TMEM131: variants seen among roughly 807,000 people sequenced by gnomAD.
TMEM131 encodes the protein transmembrane protein 131, also known as 2610524E03Rik.
TMEM131 carries 66 observed loss-of-function variants against 211.6 expected under a neutral mutation model. The observed-to-expected ratio is 0.31, with a 90% CI of 0.26 to 0.38. TMEM131 has a LOEUF of 0.38. Among genes scored for constraint, TMEM131 ranks in the 10% least tolerant of loss-of-function variants. TMEM131 has a pLI of 1.00. For synonymous variants in TMEM131, 844 were observed against 841.3 expected (o/e 1.00, Z -0.06); for missense variants, 2,036 against 2,299.3 (o/e 0.89, Z 2.34).
intron 31 of TMEM131, among the ~76,000 whole-genome samples, chr2:97,787,229 G>C (rs1464929658): frequency 2.0e-5 from 3 of 152,202 alleles, no homozygotes; most frequent in Non-Finnish European, 4.4e-5. Flanking sequence ...GCTGTGTAAT[G>C]AATTTGTCTG....
rs1056891948 is a variant in TMEM131 at position 97,812,753 on chromosome 2, G to C, written c.1618-4C>G. The C allele has an allele frequency of 5.4e-6, 8 of 1,487,928 alleles. No individual in the cohort carries two copies. Among genetic ancestry groups the C allele is most frequent in the Non-Finnish European group, 6.4e-6 (7 of 1,097,436 alleles). The allele number at this position is 1,487,928 out of a possible 1,614,324, so 92.2% of individuals were successfully genotyped here. A position where few individuals can be genotyped will look rare whatever the true frequency, so the allele number is the denominator to read the frequency against. ...TTTTGGGGGGCAATACAAAGTACTG[G>C]AAAGATATAAAAGAACCAGATTAAA... On this transcript the variant is annotated splice_polypyrimidine_tract_variant and splice_region_variant and intron_variant, in intron 15 of 40. Coordinates refer to ENST00000186436, the MANE Select transcript of TMEM131 (RefSeq NM_015348.2).
intron 2 of TMEM131, among the ~76,000 whole-genome samples, chr2:97,912,668 T>C (rs769891687): frequency 2.0e-5 from 3 of 152,180 alleles, no homozygotes; most frequent in African/African-American, 4.8e-5. Flanking sequence ...TGTATATGCA[T>C]GTGAGTTTGG....
chr2:97,856,790 TTAAG>T lies in TMEM131; in HGVS notation c.483+2510_483+2513del, dbSNP rs1229633291. 3.3e-5 allele frequency among the ~76,000 whole-genome samples: 5 copies of T among 152,240 alleles called. No homozygotes were observed. The Middle Eastern group carries it at 0.014, about 414-fold the overall frequency. On this transcript the variant is annotated intron_variant, in intron 5 of 40. Coordinates refer to ENST00000186436, the MANE Select transcript of TMEM131 (RefSeq NM_015348.2). ...TATCTCTCCCCTCTACGTCTCGAGC[TTAAG>T]TCAGTGTCTTATTGTAGGGAAAAAA...
intron 3 of TMEM131, among the ~76,000 whole-genome samples, chr2:97,906,886 T>C (rs1676093684): frequency 6.6e-6 from 1 of 152,126 alleles, no homozygotes; most frequent in Non-Finnish European, 1.5e-5. Flanking sequence ...GCCACTAACT[T>C]TTAGATAGAA....
chr2:97,796,597 G>C (rs992600948), intron 27 of TMEM131, among the ~76,000 whole-genome samples, 193 bp from the exon 28 acceptor site: 5 of 152,148 alleles, frequency 3.3e-5, no homozygotes, highest in African/African-American at 1.2e-4. Flanking sequence ...GATGGCAAAA[G>C]TTGACTATAC....
At chr2:97,967,827 T>A (rs757505303) in intron 1 of TMEM131, among the ~76,000 whole-genome samples, 1 of 151,988 alleles carries the variant, frequency 6.6e-6, no homozygotes, top group Non-Finnish European at 1.5e-5. Flanking sequence ...GCTCTTCTTA[T>A]CATACCATGT....
intron 3 of TMEM131, among the ~76,000 whole-genome samples, chr2:97,892,086 T>C (rs760659709): frequency 1.3e-5 from 2 of 152,196 alleles, no homozygotes; most frequent in Non-Finnish European, 2.9e-5. Flanking sequence ...CTATATGATA[T>C]ATATTCTCCC....
rs2104761755 is a variant in TMEM131, at chr2:97,761,798, G to A, written c.4889+237C>T. The A allele has an allele frequency of 9.0e-6, 4 of 446,310 alleles. No individual in the cohort carries two copies. In the South Asian group the frequency reaches 1.6e-4, roughly 18 times the overall value. 27.6% of individuals were successfully genotyped at this position (446,310 alleles called of 1,614,324 possible). A position where few individuals can be genotyped will look rare whatever the true frequency, so the allele number is the denominator to read the frequency against. The stretch of plus-strand genomic sequence containing the variant: ...TAGTGAGTTAAATGGTGCATTTCTC[G>A]GTCCACAGGTGGTAAGAATGAATGG... On this transcript the variant is annotated intron_variant, in intron 36 of 40. Transcript: ENST00000186436.
At chr2:97,789,945 T>C (rs996772441) in intron 31 of TMEM131, among the ~76,000 whole-genome samples, 21 of 152,240 alleles carry the variant, frequency 1.4e-4, no homozygotes, top group Non-Finnish European at 2.9e-4. Flanking sequence ...TTGCAAGCCA[T>C]CCAACCGCAG....
intron 1 of TMEM131, among the ~76,000 whole-genome samples, chr2:97,973,956 C>T (rs947851746): frequency 1.3e-5 from 2 of 152,146 alleles, no homozygotes; most frequent in Non-Finnish European, 2.9e-5. Flanking sequence ...CACCCAACAA[C>T]GTAAAATTTG....
intron 2 of TMEM131, among the ~76,000 whole-genome samples, chr2:97,914,452 T>C (rs577019920): frequency 6.6e-6 from 1 of 152,258 alleles, no homozygotes; most frequent in South Asian, 2.1e-4. Flanking sequence ...GCTGTGTAGG[T>C]TCATGAACAC....
chr2:97,955,027 A>T (rs1479476245), intron 1 of TMEM131, among the ~76,000 whole-genome samples: 9 of 152,028 alleles, frequency 5.9e-5, no homozygotes, highest in Non-Finnish European at 1.2e-4. Flanking sequence ...CCATTGCAAA[A>T]TTTTTTTAAA....
In TMEM131 at chr2:97,766,244, A is replaced by G. The variant is rs765860984; in HGVS notation, c.4593T>C (p.Asp1531=). ...ATTTTGCTAGGGCAGGTGGTCTGTT[A>G]TCCACTAACTTACTTGTACCTGCAC... ...QKTKGTSKLV[D]NRPPALAKFL... The change falls in exon 35 of 41, where the codon GAT becomes GAC. Residue 1531 remains aspartate (D), a synonymous_variant. Transcript: ENST00000186436. The G allele has an allele frequency of 1.2e-6, 2 of 1,614,070 alleles. No homozygotes were observed. The highest frequency in any genetic ancestry group is 1.7e-6 in the Non-Finnish European group (2 of 1,179,890).
intron 11 of TMEM131, among the ~76,000 whole-genome samples, chr2:97,821,775 C>T (rs186487544): frequency 8.5e-5 from 13 of 152,286 alleles, no homozygotes; most frequent in Admixed American, 1.3e-4. Context: ...CAGTTAAAAG[C>T]GACTGGCACA....
intron 2 of TMEM131, among the ~76,000 whole-genome samples, chr2:97,911,002 C>T (rs960931384): frequency 2.0e-5 from 3 of 152,148 alleles, no homozygotes; most frequent in Non-Finnish European, 2.9e-5. Flanking sequence ...AGCTTTGTTA[C>T]AGCTCAGTAT....
At position 97,774,809 on chromosome 2, in the gene TMEM131, C is replaced by T. The variant is rs80213261; in HGVS notation, c.4320+1034G>A. Among the ~76,000 whole-genome samples the T allele has an allele frequency of 3.4e-3, 521 of 152,262 alleles. 8 individuals carry two copies. In the East Asian group the frequency reaches 0.042, roughly 12 times the overall value. On this transcript the variant is annotated intron_variant, in intron 32 of 40. Transcript: ENST00000186436. ...AAGTTTAGCACAGGGCTTTCTGTTTCTCTGAAGTAATTTGTTAAAGTGCTA... is the reference window on the plus strand; with the variant it reads ...AAGTTTAGCACAGGGCTTTCTGTTTTTCTGAAGTAATTTGTTAAAGTGCTA...
At position 97,796,854 on chromosome 2, in the gene TMEM131, A is replaced by C; in HGVS notation, c.3003T>G (p.Asp1001Glu). Residue 1001 changes from aspartate to glutamate, a missense_variant, in exon 27 of 41, where the codon GAT (aspartate) becomes GAG (glutamate). By Grantham distance (45) the Asp-to-Glu change is conservative (BLOSUM62 2). This residue lies in a region of TMEM131 where 1,623 missense variants were observed against 1,805.9 expected (regional missense o/e 0.90). Coordinates refer to ENST00000186436, the MANE Select transcript of TMEM131 (RefSeq NM_015348.2). ...GTTAGGAAGACTTACTATCTGTACA[A>C]TCTTTTAACAATGCTTCCGTGATTT... is the stretch of plus-strand genomic sequence containing the variant. ...RFKITEALLK[D>E]CTDSLKLREP... The C allele has an allele frequency of 6.2e-7, 1 of 1,613,756 alleles. No homozygotes were observed. Among genetic ancestry groups the C allele is most frequent in the Non-Finnish European group, 8.5e-7 (1 of 1,179,744 alleles).
chr2:97,983,674 G>C (rs1679902623), intron 1 of TMEM131, among the ~76,000 whole-genome samples: 1 of 152,012 alleles, frequency 6.6e-6, no homozygotes, highest in Non-Finnish European at 1.5e-5. Flanking sequence ...GAAGCTCAAG[G>C]GGGCTGCCTT....
Position 97,801,954 on chromosome 2 carries a change from A to G in TMEM131, c.2659T>C (p.Leu887=). 2 of 1,607,578 alleles carry G rather than the reference A, an allele frequency of 1.2e-6. No individual in the cohort carries two copies. The highest frequency in any genetic ancestry group is 1.7e-6 in the Non-Finnish European group (2 of 1,176,618). ...FVDKLVSRFN[L]SKVAKIDLRT... is the part of the protein sequence containing the mutation. ...AAATCTATCTTTGCCACCTTACTCA[A>G]GTTAAACCTAAAACAAAAAATGTAC... Residue 887 remains leucine (L), a synonymous_variant, in exon 25 of 41, where the codon TTG becomes CTG. Coordinates refer to ENST00000186436, the MANE Select transcript of TMEM131 (RefSeq NM_015348.2).
Sources: allele counts gnomAD v4.1 joint callset (sites outside exome capture counted in the v4.1 genomes callset), GRCh38; gene constraint gnomAD v4.1.1; regional missense constraint gnomAD v4.1.1; transcripts MANE v1.5; gene names NCBI Gene and HGNC (gene_info 2026-07-23, HGNC 2026-07-21).